Variants in NCOR1 observed in about 807,000 individuals in gnomAD.
The protein encoded by NCOR1 is nuclear receptor corepressor 1.
A neutral mutation model predicts 288.1 loss-of-function variants in NCOR1; 63 were observed. That is an observed-to-expected ratio of 0.22 (90% confidence interval 0.18 to 0.27). NCOR1 has a LOEUF of 0.27. Ranked by LOEUF, NCOR1 falls within the 10% of genes least tolerant of loss-of-function variation. The pLI is 1.00. For missense variants in NCOR1, 2,397 were observed against 3,019.2 expected, an observed-to-expected ratio of 0.79 and a Z score of 4.83; for synonymous variants, 1,007 against 1,065.9, an observed-to-expected ratio of 0.94 and a Z score of 1.08.
chr17:16,155,351 A>C (rs2079559504), intron 6 of NCOR1, among the ~76,000 whole-genome samples: 1 of 27,276 alleles, frequency 3.7e-5, no homozygotes, highest in African/African-American at 1.5e-4. Context: ...ACTGTGTCTC[A>C]AAAAAAAAAA....
intron 1 of NCOR1, among the ~76,000 whole-genome samples, chr17:16,211,781 T>C (rs1436878220): frequency 6.6e-6 from 1 of 152,014 alleles, no homozygotes; most frequent in Non-Finnish European, 1.5e-5. Flanking sequence ...AGTATAAGTG[T>C]TCAAGGAAAA....
At chr17:16,192,490 T>C (rs146930078) in intron 2 of NCOR1, among the ~76,000 whole-genome samples, 3,572 of 152,240 alleles carry the variant, frequency 0.023, 141 homozygotes, top group African/African-American at 0.081. Flanking sequence ...ACGCCATCTC[T>C]ACTAAAAATA....
At chr17:16,052,399 C>G (rs1420676864) in intron 40 of NCOR1, among the ~76,000 whole-genome samples, 1 of 152,012 alleles carries the variant, frequency 6.6e-6, no homozygotes, top group Admixed American at 6.6e-5. Flanking sequence ...CAAATAAACA[C>G]AATCAGAAAT....
chr17:16,052,192 C>CT (rs953498043), intron 40 of NCOR1, among the ~76,000 whole-genome samples: 265 of 141,198 alleles, frequency 1.9e-3, no homozygotes, highest in East Asian at 0.011. Context: ...TTTTGTATTT[C>CT]TTTTTTTTTT....
chr17:16,203,283 T>C (rs978893001), intron 1 of NCOR1, among the ~76,000 whole-genome samples: 3 of 152,244 alleles, frequency 2.0e-5, no homozygotes, highest in African/African-American at 4.8e-5. Context: ...GTACTTACGA[T>C]GACCCAAGGC....
chr17:16,060,709 G>A (rs148708726), intron 37 of NCOR1, among the ~76,000 whole-genome samples: 7 of 152,038 alleles, frequency 4.6e-5, no homozygotes, highest in African/African-American at 1.7e-4. Context: ...TTTATTCAAT[G>A]GAGATAACAG....
intron 14 of NCOR1, 55 bp downstream of exon 14, chr17:16,137,256 G>T: frequency 2.6e-6 from 3 of 1,136,238 alleles, no homozygotes; most frequent in African/African-American, 1.6e-5. Context: ...AACACTTTTT[G>T]CTTGCCTATT....
rs768259576 is a variant in NCOR1 at position 16,121,096 on chromosome 17, G to A, written c.1808C>T (p.Ala603Val). ...AAAASAAAAA[A>V]TEEPPPPLPP... ...CAGAGGTGGTGGGGGCTCTTCAGTAGCCGCTGCGGCTGCAGCACTGGCAGC... is the reference window on the plus strand; with the variant it reads ...CAGAGGTGGTGGGGGCTCTTCAGTAACCGCTGCGGCTGCAGCACTGGCAGC... The change falls in exon 16 of 46, where the codon GCT becomes GTT. Residue 603 changes from alanine (A) to valine (V), a missense_variant. Coordinates refer to ENST00000268712, the MANE Select transcript of NCOR1 (RefSeq NM_006311.4). 2 of 1,614,120 alleles carry A rather than the reference G, an allele frequency of 1.2e-6. No individual in the cohort carries two copies. Among genetic ancestry groups the A allele is most frequent in the South Asian group, 1.1e-5 (1 of 91,078 alleles).
At chr17:16,058,756 C>T (rs2060214321) in intron 37 of NCOR1, among the ~76,000 whole-genome samples, 157 bp from the exon 38 acceptor site, 1 of 151,884 alleles carries the variant, frequency 6.6e-6, no homozygotes, top group African/African-American at 2.4e-5. Flanking sequence ...GGCTTTAAGA[C>T]ATGTTTTAGG....
intron 4 of NCOR1, among the ~76,000 whole-genome samples, chr17:16,167,278 C>A (rs1403380050): frequency 2.0e-5 from 3 of 151,670 alleles, no homozygotes; most frequent in African/African-American, 7.3e-5. Context: ...GGAATAAGAT[C>A]AAAACAGACA....
rs57820388 is a variant in NCOR1, at chr17:16,059,049, CAAAAAAAAAAAAAAAA to C, written c.5882-466_5882-451del. Among the ~76,000 whole-genome samples the C allele has an allele frequency of 5.5e-3, 96 of 17,460 alleles. 1 individual carries two copies. The highest frequency in any genetic ancestry group is 0.011 in the Non-Finnish European group (78 of 6,978). 11.5% of individuals were successfully genotyped at this position (17,460 alleles called of 152,430 possible). ...GGGCAACAAGAGCGAAACTCCGTCT[CAAAAAAAAAAAAAAAA>C]AAAAAAAAAAAGACATGTTTTAAAG... On this transcript the variant is annotated intron_variant, in intron 37 of 45. Transcript: ENST00000268712.
chr17:16,094,434 G>A (rs992858095), intron 21 of NCOR1, among the ~76,000 whole-genome samples: 6 of 152,202 alleles, frequency 3.9e-5, no homozygotes, highest in African/African-American at 7.2e-5. Flanking sequence ...TTTGAATAAA[G>A]CAAGAGCTTT....
In NCOR1 at chr17:16,032,220, T is replaced by C. The variant is rs191456771; in HGVS notation, c.*76A>G. On this transcript the variant is annotated 3_prime_UTR_variant, in exon 46 of 46. Transcript: ENST00000268712. ...AATAAGTCACAGGAGGGCAGGTTTT[T>C]GACCTGCTACTAAAAATTAAACCAC... 5.4e-4 allele frequency: 770 copies of C among 1,422,200 alleles called. No individual in the cohort carries two copies. The highest frequency in any genetic ancestry group is 6.8e-4 in the Non-Finnish European group (730 of 1,074,412). The allele number at this position is 1,422,200 out of a possible 1,614,324, so 88.1% of individuals were successfully genotyped here. A position where few individuals can be genotyped will look rare whatever the true frequency, so the allele number is the denominator to read the frequency against.
In NCOR1 at chr17:16,139,031, A is replaced by G. The variant is rs528568439; in HGVS notation, c.1329T>C (p.His443=). Residue 443 remains histidine (H), a synonymous_variant, in exon 12 of 46, where the codon CAT becomes CAC. Coordinates refer to ENST00000268712, the MANE Select transcript of NCOR1 (RefSeq NM_006311.4). ...ACTTGTCCTTAAAGATCTCCTTTTCATGGTCAGTCCAAACATTCATAAACT... is the reference window on the plus strand; with the variant it reads ...ACTTGTCCTTAAAGATCTCCTTTTCGTGGTCAGTCCAAACATTCATAAACT... ...DRQFMNVWTD[H]EKEIFKDKFI... 88 of 1,581,614 alleles carry G rather than the reference A, an allele frequency of 5.6e-5. 2 individuals are homozygous for G. In the South Asian group the frequency reaches 9.2e-4, roughly 17 times the overall value.
chr17:16,156,358 C>G (rs1284352957), intron 6 of NCOR1, among the ~76,000 whole-genome samples: 1 of 151,276 alleles, frequency 6.6e-6, no homozygotes, highest in Non-Finnish European at 1.5e-5. Context: ...ATTGCTTGAA[C>G]CTGGGAGGTG....
At chr17:16,120,909 A>G (rs910156593) in intron 16 of NCOR1, 143 bp downstream of exon 16, 7 of 728,902 alleles carry the variant, frequency 9.6e-6, no homozygotes, top group Non-Finnish European at 1.4e-5. Flanking sequence ...AAACTTTGAC[A>G]TTAAAGTTTA....
chr17:16,044,124 G>T (rs1004183584), intron 42 of NCOR1, among the ~76,000 whole-genome samples: 1 of 143,942 alleles, frequency 6.9e-6, no homozygotes, highest in Non-Finnish European at 1.5e-5. Context: ...AGCCGAGATC[G>T]TGCCACTGCA....
chr17:16,156,368 G>A (rs2079781362), intron 6 of NCOR1, among the ~76,000 whole-genome samples: 1 of 151,666 alleles, frequency 6.6e-6, no homozygotes, highest in Admixed American at 6.6e-5. Context: ...CCTGGGAGGT[G>A]GAGGTTGCAG....
chr17:16,135,353 T>C (rs1242287709), intron 14 of NCOR1, among the ~76,000 whole-genome samples: 1 of 152,090 alleles, frequency 6.6e-6, no homozygotes, highest in Non-Finnish European at 1.5e-5. Context: ...ACTCAATTTA[T>C]TCCTTTTCTG....
Sources: allele counts gnomAD v4.1 joint callset (sites outside exome capture counted in the v4.1 genomes callset), GRCh38; gene constraint gnomAD v4.1.1; transcripts MANE v1.5; gene names NCBI Gene and HGNC (gene_info 2026-07-23, HGNC 2026-07-21).